The following PPP2R5C variants were observed in gnomAD, a reference collection of about 807,000 sequenced individuals.
The protein encoded by PPP2R5C is serine/threonine-protein phosphatase 2A 56 kDa regulatory subunit gamma isoform.
In PPP2R5C, 7 loss-of-function variants were observed where a neutral mutation model predicts 68.9. The observed-to-expected ratio is 0.10, with a 90% CI of 0.06 to 0.19. The LOEUF is 0.19. PPP2R5C is among the 10% of genes least tolerant of loss of function. PPP2R5C has a pLI of 1.00. For synonymous variants in PPP2R5C, 210 were observed against 222.2 expected (o/e 0.95, Z 0.49); for missense variants, 348 against 641.3 (o/e 0.54, Z 4.94).
chr14:101,792,872 ATTTTTC>A (rs72099179), intron 3 of PPP2R5C, among the ~76,000 whole-genome samples: 18,125 of 144,170 alleles, frequency 0.13, 1,181 homozygotes, highest in Admixed American at 0.18. Context: ...CAAATCAGCC[ATTTTTC>A]TTTTCTTTTT....
At chr14:101,777,748 T>C (rs1456368541) in intron 2 of PPP2R5C, among the ~76,000 whole-genome samples, 1 of 152,178 alleles carries the variant, frequency 6.6e-6, no homozygotes, top group Non-Finnish European at 1.5e-5. Context: ...ATACAAGGGT[T>C]CCAATTGTAG....
At position 101,899,005 on chromosome 14, in the gene PPP2R5C, A is replaced by G. The variant is rs575602945; in HGVS notation, c.853-2714A>G. Reference sequence around the variant, plus strand: ...CCAAAGGGACTCCTGAAGCCATCAAATGTCCAGGCTCAGGAATGTTTAAAG... The same window carrying G: ...CCAAAGGGACTCCTGAAGCCATCAAGTGTCCAGGCTCAGGAATGTTTAAAG... On this transcript the variant is annotated intron_variant, in intron 8 of 13. Coordinates refer to ENST00000334743, the Ensembl canonical transcript of PPP2R5C. This position sits in a 1 kb window ranked among gnomAD's most constrained non-coding sequence, Gnocchi z 4.2. Among the ~76,000 whole-genome samples, 1 of 152,328 alleles carries G rather than the reference A, an allele frequency of 6.6e-6. No individual in the cohort carries two copies. Among genetic ancestry groups the G allele is most frequent in the Non-Finnish European group, 1.5e-5 (1 of 68,034 alleles).
chr14:101,785,735 C>T (rs1306953316), intron 2 of PPP2R5C, among the ~76,000 whole-genome samples: 2 of 152,136 alleles, frequency 1.3e-5, no homozygotes, highest in African/African-American at 4.8e-5. Flanking sequence ...CATCTTTAGG[C>T]GTCATTATTT....
intron 1 of PPP2R5C, among the ~76,000 whole-genome samples, chr14:101,827,254 G>C (rs376776281): frequency 4.6e-5 from 7 of 152,084 alleles, no homozygotes; most frequent in Non-Finnish European, 1.5e-5. Flanking sequence ...GGGATTACAG[G>C]CTTGAGCCAC....
intron 1 of PPP2R5C, among the ~76,000 whole-genome samples, chr14:101,762,351 C>T (rs560403143): frequency 6.6e-6 from 1 of 152,096 alleles, no homozygotes. Flanking sequence ...GGGGAGGGAC[C>T]CCTGTACGGG....
At chr14:101,895,184 G>GT (rs1217060577) in intron 8 of PPP2R5C, among the ~76,000 whole-genome samples, 3 of 152,224 alleles carry the variant, frequency 2.0e-5, no homozygotes, top group African/African-American at 7.2e-5. Flanking sequence ...TCAGGTGCCA[G>GT]TTTAAGCATT....
At chr14:101,848,734 G>A (rs907132990) in intron 1 of PPP2R5C, among the ~76,000 whole-genome samples, 1 of 152,186 alleles carries the variant, frequency 6.6e-6, no homozygotes, top group East Asian at 1.9e-4. Context: ...GGCAACAGCG[G>A]GAGTTGGGAG....
chr14:101,792,099 C>T (rs1231631425), intron 3 of PPP2R5C, among the ~76,000 whole-genome samples: 2 of 152,180 alleles, frequency 1.3e-5, no homozygotes, highest in African/African-American at 4.8e-5. Flanking sequence ...TACCCCACTG[C>T]GGTTCCTGTA....
intron 3 of PPP2R5C, 185 bp from the exon 6 acceptor site, chr14:101,883,072 A>G: frequency 1.8e-6 from 1 of 560,150 alleles, no homozygotes; most frequent in Admixed American, 3.5e-5. Context: ...GGGTTTCACC[A>G]AATAAAATAA....
chr14:101,849,116 A>T (rs2042006765), intron 1 of PPP2R5C, among the ~76,000 whole-genome samples: 1 of 152,210 alleles, frequency 6.6e-6, no homozygotes, highest in Non-Finnish European at 1.5e-5. Context: ...TCGCTTTGGA[A>T]TGTTACATAG....
At chr14:101,771,222 C>CGTGTGTGTGTGTGTGTGTGTGT (rs3993402) in intron 2 of PPP2R5C, among the ~76,000 whole-genome samples, 1 of 135,396 alleles carries the variant, frequency 7.4e-6, no homozygotes, top group African/African-American at 2.8e-5. Context: ...TTCTTCATCT[C>CGTGTGTGTGTGTGTGTGTGTGT]GTGTGTGTGT....
At chr14:101,901,811 T>C (rs1566954622) in exon 9 of PPP2R5C, 8 of 1,614,172 alleles carry the variant, frequency 5.0e-6, no homozygotes, top group Non-Finnish European at 3.4e-6. Context: ...TAGATGTCAT[T>C]GAACCATCAG....
chr14:101,912,478 T>C lies in PPP2R5C; in HGVS notation c.1326+5T>C. ...CTAGCCAAAGCCAATCCCCAGGTAC[T>C]AAAAAAGAGAATAACATGAAAACGC... is the stretch of plus-strand genomic sequence containing the variant. On this transcript the variant is annotated splice_donor_5th_base_variant and intron_variant, in intron 12 of 13. Coordinates refer to ENST00000334743, the Ensembl canonical transcript of PPP2R5C. The C allele has an allele frequency of 6.3e-7, 1 of 1,599,322 alleles. No homozygotes were observed. Among genetic ancestry groups the C allele is most frequent in the Non-Finnish European group, 8.5e-7 (1 of 1,175,930 alleles).
chr14:101,903,240 G>A (rs1405608869), intron 9 of PPP2R5C, among the ~76,000 whole-genome samples: 2 of 152,142 alleles, frequency 1.3e-5, no homozygotes, highest in East Asian at 3.9e-4. Context: ...TGCAAAATTA[G>A]CTATCGCTAT....
chr14:101,907,118 A>C (rs1233010323), intron 10 of PPP2R5C, among the ~76,000 whole-genome samples: 4 of 151,588 alleles, frequency 2.6e-5, no homozygotes, highest in Non-Finnish European at 5.9e-5. Context: ...TTAAAAGGAA[A>C]CTGTTGATAT....
chr14:101,808,786 AAGG>A (rs1292865125), upstream of PPP2R5C, among the ~76,000 whole-genome samples: 1 of 152,214 alleles, frequency 6.6e-6, no homozygotes, highest in Non-Finnish European at 1.5e-5. Context: ...GGTGTGAAGA[AAGG>A]AGGAATTTTT....
intron 1 of PPP2R5C, among the ~76,000 whole-genome samples, chr14:101,852,723 C>T (rs1190669293): frequency 6.6e-6 from 1 of 152,044 alleles, no homozygotes; most frequent in African/African-American, 2.4e-5. Flanking sequence ...CCACCCATCT[C>T]GGCCTCCCAA....
intron 3 of PPP2R5C, among the ~76,000 whole-genome samples, chr14:101,795,152 A>G (rs1334074811): frequency 6.6e-6 from 1 of 152,156 alleles, no homozygotes; most frequent in Non-Finnish European, 1.5e-5. Flanking sequence ...TGTTCTGTTA[A>G]TCTTTTGTTA....
chr14:101,795,889 G>A (rs906480219), intron 3 of PPP2R5C, among the ~76,000 whole-genome samples: 2 of 152,050 alleles, frequency 1.3e-5, no homozygotes, highest in Non-Finnish European at 2.9e-5. Context: ...GTGGCACAAT[G>A]TCAGCTCACT....
Sources: gnomAD v4.1 joint callset for allele counts (sites outside exome capture counted in the v4.1 genomes callset) on GRCh38, gnomAD v4.1.1 for gene constraint, Gnocchi (gnomAD v3.1) non-coding constraint, MANE v1.5 for transcripts, NCBI Gene and HGNC (gene_info 2026-07-23, HGNC 2026-07-21) for gene names.